GUCY1A2: variants seen among roughly 807,000 people sequenced by gnomAD.
The protein encoded by GUCY1A2 is guanylate cyclase soluble subunit alpha-2.
In GUCY1A2, 27 loss-of-function variants were observed where a neutral mutation model predicts 63.5. The observed-to-expected ratio is 0.43, with a 90% CI of 0.31 to 0.59. GUCY1A2 has a LOEUF of 0.59. Ranked by LOEUF, GUCY1A2 falls within the 20% of genes least tolerant of loss-of-function variation. The probability of loss-of-function intolerance (pLI) is 0.11; values close to 1 mark genes in which losing one functional copy is unlikely to be tolerated. For missense variants in GUCY1A2, 768 were observed against 913.3 expected (o/e 0.84, Z 2.05); for synonymous variants, 364 against 343.5 (o/e 1.06, Z -0.66).
Position 106,685,853 on chromosome 11 carries a change from T to G in GUCY1A2, c.*1696A>C, listed in dbSNP as rs1365232006. On this transcript the variant is annotated 3_prime_UTR_variant, in exon 8 of 8. Coordinates refer to ENST00000526355, the MANE Select transcript of GUCY1A2 (RefSeq NM_000855.3). ...CCCCAGGGCAAGAAAATAACTCAAA[T>G]TATAAAAGGGATCAGGATTATAACA... 2 of 226,264 alleles carry G rather than the reference T, an allele frequency of 8.8e-6. No individual in the cohort carries two copies. The highest frequency in any genetic ancestry group is 4.5e-5 in the African/African-American group (2 of 44,942). 14.0% of individuals were successfully genotyped at this position (226,264 alleles called of 1,614,324 possible). A position where few individuals can be genotyped will look rare whatever the true frequency, so the allele number is the denominator to read the frequency against.
chr11:106,900,709 A>G (rs7113588), intron 4 of GUCY1A2, among the ~76,000 whole-genome samples: 42,326 of 132,430 alleles, frequency 0.32, 6,354 homozygotes, highest in Non-Finnish European at 0.38. Flanking sequence ...AGGGAGTCAC[A>G]TGAATTTTTT....
rs1351948532 is a variant in GUCY1A2 at position 106,918,626 on chromosome 11, A to G, written c.1206+20834T>C. Among the ~76,000 whole-genome samples, 7 of 145,672 alleles carry G rather than the reference A, an allele frequency of 4.8e-5. 1 individual carries two copies. The highest frequency in any genetic ancestry group is 1.1e-4 in the Non-Finnish European group (7 of 64,820). On this transcript the variant is annotated intron_variant, in intron 4 of 7. Coordinates refer to ENST00000526355, the MANE Select transcript of GUCY1A2 (RefSeq NM_000855.3). ...ATTAATTTCAAATTCACAAAAAAAG[A>G]AAGGAAATTTTCAAAATTTATTGGT...
intron 4 of GUCY1A2, among the ~76,000 whole-genome samples, chr11:106,812,935 C>T (rs1858781427): frequency 6.6e-6 from 1 of 151,880 alleles, no homozygotes; most frequent in Non-Finnish European, 1.5e-5. Context: ...GATTCAATGG[C>T]ACCATTTGTA....
rs1252740404 is a variant in GUCY1A2, at chr11:106,685,411, G to A, written c.*2138C>T. On this transcript the variant is annotated 3_prime_UTR_variant, in exon 8 of 8. Coordinates refer to ENST00000526355, the MANE Select transcript of GUCY1A2 (RefSeq NM_000855.3). ...TATGGAGATAATAAATATGTGTTTA[G>A]AGTAGTTGCTTAGACAAATCTTTAT... The A allele has an allele frequency of 9.2e-6, 2 of 218,210 alleles. No individual in the cohort carries two copies. The highest frequency in any genetic ancestry group is 1.4e-4 in the East Asian group (2 of 14,678). 13.5% of individuals were successfully genotyped at this position (218,210 alleles called of 1,614,324 possible). A position where few individuals can be genotyped will look rare whatever the true frequency, so the allele number is the denominator to read the frequency against.
rs112173007 is a variant in GUCY1A2 at position 106,914,837 on chromosome 11, A to T, written c.1206+24623T>A. Among the ~76,000 whole-genome samples the T allele has an allele frequency of 1.3e-3, 195 of 152,202 alleles. 1 individual carries two copies. Among genetic ancestry groups the T allele is most frequent in the African/African-American group, 4.4e-3 (183 of 41,552 alleles). ...AGGGACTTCTAGTTTCAGCTCTAAC[A>T]TGTGAAGACCTTGTAAGTTGTCACT... On this transcript the variant is annotated intron_variant, in intron 4 of 7. Transcript: ENST00000526355.
intron 4 of GUCY1A2, among the ~76,000 whole-genome samples, chr11:106,834,154 T>C (rs1357408192): frequency 1.3e-5 from 2 of 151,954 alleles, no homozygotes; most frequent in Non-Finnish European, 2.9e-5. Flanking sequence ...ATTAGGTCCC[T>C]AGAACTTATT....
rs1183407127 is a variant in GUCY1A2 at position 106,919,889 on chromosome 11, G to A, written c.1206+19571C>T. 3.3e-5 allele frequency among the ~76,000 whole-genome samples: 5 copies of A among 152,162 alleles called. No homozygotes were observed. The East Asian group carries it at 9.7e-4, about 29-fold the overall frequency. ...CATGGAGTTTATCTACCAAAAGTAA[G>A]TGAGTTAGATGTTACCTCCACTGCT... On this transcript the variant is annotated intron_variant, in intron 4 of 7. Coordinates refer to ENST00000526355, the MANE Select transcript of GUCY1A2 (RefSeq NM_000855.3).
intron 3 of GUCY1A2, among the ~76,000 whole-genome samples, chr11:106,962,350 G>A (rs1030390907): frequency 6.6e-6 from 1 of 150,972 alleles, no homozygotes; most frequent in South Asian, 2.1e-4. Context: ...AGGAGATCGA[G>A]ACCATCCTGG....
At chr11:106,845,473 C>T (rs1412940927) in intron 4 of GUCY1A2, among the ~76,000 whole-genome samples, 1 of 151,520 alleles carries the variant, frequency 6.6e-6, no homozygotes, top group Non-Finnish European at 1.5e-5. Context: ...ATTGTCTTTG[C>T]TTTCCTGAAA....
chr11:106,932,761 T>C (rs1230555826), intron 4 of GUCY1A2, among the ~76,000 whole-genome samples: 1 of 152,172 alleles, frequency 6.6e-6, no homozygotes, highest in East Asian at 1.9e-4. Flanking sequence ...TTGGTATTAT[T>C]ACAGAAACAG....
At chr11:106,923,694 A>G (rs1040105735) in intron 4 of GUCY1A2, among the ~76,000 whole-genome samples, 1 of 152,148 alleles carries the variant, frequency 6.6e-6, no homozygotes, top group African/African-American at 2.4e-5. Context: ...ATATATGAAA[A>G]CTATATTGAA....
intron 5 of GUCY1A2, among the ~76,000 whole-genome samples, chr11:106,797,168 C>G (rs999999119): frequency 1.1e-4 from 17 of 152,024 alleles, no homozygotes; most frequent in Admixed American, 6.6e-5. Flanking sequence ...TTCTAGTTAG[C>G]CATTCGTCTA....
intron 4 of GUCY1A2, among the ~76,000 whole-genome samples, chr11:106,925,914 C>T (rs1860515160): frequency 6.6e-6 from 1 of 151,990 alleles, no homozygotes; most frequent in Non-Finnish European, 1.5e-5. Flanking sequence ...TTGAAATAAA[C>T]CATTCGTTCT....
chr11:106,818,816 A>C (rs955617504), intron 4 of GUCY1A2, among the ~76,000 whole-genome samples: 2 of 152,180 alleles, frequency 1.3e-5, no homozygotes, highest in South Asian at 2.1e-4. Context: ...AAGTTTTAGT[A>C]GTATGCATGG....
intron 4 of GUCY1A2, among the ~76,000 whole-genome samples, chr11:106,895,810 G>A (rs1012128979): frequency 3.3e-5 from 5 of 151,882 alleles, no homozygotes; most frequent in Admixed American, 6.6e-5. Context: ...AAAAGAAAAC[G>A]ACAGACTGAT....
intron 6 of GUCY1A2, among the ~76,000 whole-genome samples, chr11:106,730,613 T>G (rs1432922968): frequency 6.6e-6 from 1 of 152,204 alleles, no homozygotes; most frequent in East Asian, 1.9e-4. Context: ...ACAATGTATA[T>G]TCCTTTGGGT....
Position 106,718,182 on chromosome 11 carries a change from A to T in GUCY1A2, c.1837-9516T>A, listed in dbSNP as rs190966786. Among the ~76,000 whole-genome samples the T allele has an allele frequency of 7.2e-4, 109 of 152,316 alleles. 1 individual carries two copies. The highest frequency in any genetic ancestry group is 2.2e-3 in the African/African-American group (90 of 41,584). On this transcript the variant is annotated intron_variant, in intron 6 of 7. Transcript: ENST00000526355. ...TTACAGAAGCACCATTCATAGATAA[A>T]TTTAACTTTACAGAAAGTATTTGAC...
chr11:106,827,500 C>T lies in GUCY1A2; in HGVS notation c.1207-17022G>A, dbSNP rs1858987782. On this transcript the variant is annotated intron_variant, in intron 4 of 7. Transcript: ENST00000526355. ...AAATTCCTGAGCACTGTCTGTATCA[C>T]GGATTCCTAATACATAAGGATTTCC... The T allele has an allele frequency of 5.5e-6, 8 of 1,464,784 alleles. No homozygotes were observed. In the East Asian group the frequency reaches 9.1e-5, roughly 17 times the overall value. 90.7% of individuals were successfully genotyped at this position (1,464,784 alleles called of 1,614,324 possible). A position where few individuals can be genotyped will look rare whatever the true frequency, so the allele number is the denominator to read the frequency against.
intron 6 of GUCY1A2, among the ~76,000 whole-genome samples, chr11:106,755,163 G>A (rs1175744860): frequency 6.6e-6 from 1 of 152,126 alleles, no homozygotes; most frequent in African/African-American, 2.4e-5. Context: ...TTCTCTGATG[G>A]TAGACTGTAT....
Sources: gnomAD v4.1 joint callset for allele counts (sites outside exome capture counted in the v4.1 genomes callset) on GRCh38, gnomAD v4.1.1 for gene constraint, MANE v1.5 for transcripts, NCBI Gene and HGNC (gene_info 2026-07-23, HGNC 2026-07-21) for gene names.